Variants in CADM1 observed in about 807,000 individuals in gnomAD.
CADM1 encodes cell adhesion molecule 1, also known as TSLC-1.
Under a neutral mutation model 53.1 loss-of-function variants are expected in CADM1, and 15 were observed. The observed-to-expected ratio is 0.28, with a 90% CI of 0.19 to 0.44. The LOEUF is 0.44. Ranked by LOEUF, CADM1 falls within the 20% of genes least tolerant of loss-of-function variation. The pLI is 1.00. For synonymous variants in CADM1, 281 were observed against 243.0 expected (o/e 1.16, Z -1.45); for missense variants, 434 against 611.3 (o/e 0.71, Z 3.06).
intron 1 of CADM1, among the ~76,000 whole-genome samples, chr11:115,272,001 T>C (rs1380025471): frequency 6.6e-6 from 1 of 152,214 alleles, no homozygotes; most frequent in Non-Finnish European, 1.5e-5. Context: ...CTCTGTTCCT[T>C]CTTCCAATAA....
At chr11:115,345,958 G>A (rs573916224) in intron 1 of CADM1, among the ~76,000 whole-genome samples, 53 of 152,224 alleles carry the variant, frequency 3.5e-4, no homozygotes, top group African/African-American at 1.2e-3. Context: ...GTCTTCATTA[G>A]GTTTCCAGGA....
chr11:115,445,895 T>G, intron 1 of CADM1: 1 of 327,650 alleles, frequency 3.1e-6, no homozygotes, highest in Non-Finnish European at 6.2e-6. Flanking sequence ...TGTACTGCTT[T>G]AAGACAGAAG....
chr11:115,391,999 C>T (rs750662719), intron 1 of CADM1, among the ~76,000 whole-genome samples: 5 of 152,164 alleles, frequency 3.3e-5, no homozygotes, highest in Admixed American at 6.5e-5. Context: ...CTAACAATAT[C>T]ACCACAAAGA....
At chr11:115,178,316 C>T (rs552528593) in intron 11 of CADM1, among the ~76,000 whole-genome samples, 1 of 152,156 alleles carries the variant, frequency 6.6e-6, no homozygotes, top group South Asian at 2.1e-4. Flanking sequence ...GGCTTCATGC[C>T]ACACCTTGCA....
In CADM1 at chr11:115,175,397, C is replaced by T. The variant is rs530293329; in HGVS notation, c.*1077G>A. On this transcript the variant is annotated 3_prime_UTR_variant, in exon 12 of 12. Coordinates refer to ENST00000331581, the MANE Select transcript of CADM1 (RefSeq NM_001301043.2). ...AAGGAAAAAAAAAAAAAAATCAACT[C>T]TGTCCCATTCAGTCATTCGCACAAC... 5 of 982,924 alleles carry T rather than the reference C, an allele frequency of 5.1e-6. No homozygotes were observed. Among genetic ancestry groups the T allele is most frequent in the African/African-American group, 3.5e-5 (2 of 57,046 alleles). 60.9% of individuals were successfully genotyped at this position (982,924 alleles called of 1,614,324 possible). A position where few individuals can be genotyped will look rare whatever the true frequency, so the allele number is the denominator to read the frequency against.
chr11:115,494,891 C>G (rs1336515198), intron 1 of CADM1, among the ~76,000 whole-genome samples: 3 of 152,138 alleles, frequency 2.0e-5, no homozygotes, highest in Non-Finnish European at 4.4e-5. Flanking sequence ...ATCCTGTAAT[C>G]TTAACTGGGT....
chr11:115,482,426 G>A (rs1949278107), intron 1 of CADM1, among the ~76,000 whole-genome samples: 1 of 152,136 alleles, frequency 6.6e-6, no homozygotes, highest in Non-Finnish European at 1.5e-5. Flanking sequence ...CACATAGTAA[G>A]TGATACACAC....
chr11:115,414,440 G>A (rs991689365), intron 1 of CADM1, among the ~76,000 whole-genome samples: 1 of 152,068 alleles, frequency 6.6e-6, no homozygotes, highest in Non-Finnish European at 1.5e-5. Flanking sequence ...ATTCTTTGTA[G>A]GTCTCTGGAC....
chr11:115,369,026 T>TAAAAA (rs552309443), intron 1 of CADM1, among the ~76,000 whole-genome samples: 9 of 44,748 alleles, frequency 2.0e-4, no homozygotes, highest in African/African-American at 5.0e-4. Context: ...AAAAAAAATC[T>TAAAAA]AAAAAAAAAA....
chr11:115,439,505 G>C (rs151337589), intron 1 of CADM1, among the ~76,000 whole-genome samples: 1 of 152,298 alleles, frequency 6.6e-6, no homozygotes, highest in African/African-American at 2.4e-5. Context: ...CTGAAGCATT[G>C]CAAGTATTTT....
rs1331443695 is a variant in CADM1 at position 115,174,719 on chromosome 11, C to G, written c.*1755G>C. On this transcript the variant is annotated 3_prime_UTR_variant, in exon 12 of 12. Coordinates refer to ENST00000331581, the MANE Select transcript of CADM1 (RefSeq NM_001301043.2). The stretch of plus-strand genomic sequence containing the variant: ...ATGCACCTTGCAAAATCCAAAATTA[C>G]TCACTGAAAATGTAATAGAATATAT... 2.2e-6 allele frequency: 2 copies of G among 918,748 alleles called. No homozygotes were observed. Among genetic ancestry groups the G allele is most frequent in the African/African-American group, 1.8e-5 (1 of 55,876 alleles). 56.9% of individuals were successfully genotyped at this position (918,748 alleles called of 1,614,324 possible). A position where few individuals can be genotyped will look rare whatever the true frequency, so the allele number is the denominator to read the frequency against.
intron 1 of CADM1, among the ~76,000 whole-genome samples, chr11:115,476,522 A>G (rs1012676028): frequency 3.9e-5 from 6 of 152,198 alleles, no homozygotes; most frequent in Non-Finnish European, 8.8e-5. Context: ...TGCTCTCTGC[A>G]TGCATCAGGA....
intron 1 of CADM1, among the ~76,000 whole-genome samples, chr11:115,332,126 C>T (rs1313005704): frequency 6.6e-6 from 1 of 152,094 alleles, no homozygotes; most frequent in Non-Finnish European, 1.5e-5. Context: ...ATTATTGAAC[C>T]ATCTGAATAG....
At chr11:115,328,905 A>T (rs1333983330) in intron 1 of CADM1, among the ~76,000 whole-genome samples, 1 of 149,348 alleles carries the variant, frequency 6.7e-6, no homozygotes, top group Non-Finnish European at 1.5e-5. Flanking sequence ...GCCGGATGAG[A>T]TTATGGCATT....
At chr11:115,370,561 G>C (rs570376365) in intron 1 of CADM1, among the ~76,000 whole-genome samples, 1 of 152,288 alleles carries the variant, frequency 6.6e-6, no homozygotes, top group African/African-American at 2.4e-5. Context: ...AACACACAGA[G>C]AGATGCTGGC....
At chr11:115,296,882 G>A (rs1944092439) in intron 1 of CADM1, among the ~76,000 whole-genome samples, 1 of 152,132 alleles carries the variant, frequency 6.6e-6, no homozygotes. Context: ...ATCACACACA[G>A]TCCTATACAT....
At chr11:115,388,255 G>A (rs190433151) in intron 1 of CADM1, among the ~76,000 whole-genome samples, 2 of 152,038 alleles carry the variant, frequency 1.3e-5, no homozygotes, top group South Asian at 2.1e-4. Flanking sequence ...GTGGGTGGGT[G>A]GATGGGTGGA....
chr11:115,473,549 T>C (rs886096465), intron 1 of CADM1, among the ~76,000 whole-genome samples: 7 of 152,182 alleles, frequency 4.6e-5, no homozygotes, highest in Non-Finnish European at 8.8e-5. Flanking sequence ...ATATGGTCAA[T>C]TGACTTCTGA....
At position 115,482,708 on chromosome 11, in the gene CADM1, G is replaced by T. The variant is rs1016327067; in HGVS notation, c.124+21563C>A. 3.3e-5 allele frequency among the ~76,000 whole-genome samples: 5 copies of T among 152,256 alleles called. No homozygotes were observed. The South Asian group carries it at 1.0e-3, about 32-fold the overall frequency. On this transcript the variant is annotated intron_variant, in intron 1 of 11. Transcript: ENST00000331581. ...CATCATGGAGTCCCCTAAAGAGTTA[G>T]CTCCTTTAAGGAGCTGACAATCTCA... is the stretch of plus-strand genomic sequence containing the variant.
Sources: gnomAD v4.1 joint callset for allele counts (sites outside exome capture counted in the v4.1 genomes callset) on GRCh38, gnomAD v4.1.1 for gene constraint, MANE v1.5 for transcripts, NCBI Gene and HGNC (gene_info 2026-07-23, HGNC 2026-07-21) for gene names.